Variants in ANKRD55 observed in about 807,000 individuals in gnomAD.
ANKRD55 encodes the protein ankyrin repeat domain-containing protein 55.
Under a neutral mutation model 60.6 loss-of-function variants are expected in ANKRD55, and 41 were observed. The observed-to-expected ratio is 0.68, with a 90% CI of 0.53 to 0.88. The LOEUF (loss-of-function observed/expected upper bound fraction) is 0.88, where lower values mean the gene tolerates loss of function less well. ANKRD55 is among the 40% of genes least tolerant of loss of function. The probability of loss-of-function intolerance (pLI) is 0.00; values close to 1 mark genes in which losing one functional copy is unlikely to be tolerated. For synonymous variants in ANKRD55, 264 were observed against 290.3 expected, an observed-to-expected ratio of 0.91 and a Z score of 0.92; for missense variants, 732 against 767.6, an observed-to-expected ratio of 0.95 and a Z score of 0.55.
At chr5:56,178,963 C>A (rs959110692) in intron 3 of ANKRD55, among the ~76,000 whole-genome samples, 1 of 151,972 alleles carries the variant, frequency 6.6e-6, no homozygotes, top group Admixed American at 6.6e-5. Context: ...GTTGGGACAA[C>A]CATTTTTGGG....
intron 2 of ANKRD55, among the ~76,000 whole-genome samples, chr5:56,222,487 T>C (rs1487261882): frequency 2.0e-5 from 3 of 152,194 alleles, no homozygotes; most frequent in African/African-American, 7.2e-5. Flanking sequence ...GAAACAAAGC[T>C]GGACGGAGAA....
At chr5:56,113,297 T>C (rs1756789924) in intron 9 of ANKRD55, among the ~76,000 whole-genome samples, 2 of 152,148 alleles carry the variant, frequency 1.3e-5, no homozygotes, top group African/African-American at 2.4e-5. Flanking sequence ...AGGTGGTGGG[T>C]AAAATGGTGG....
chr5:56,145,310 C>T (rs1253613656), intron 6 of ANKRD55, among the ~76,000 whole-genome samples: 1 of 152,198 alleles, frequency 6.6e-6, no homozygotes, highest in Non-Finnish European at 1.5e-5. Context: ...TGAGTCCTTG[C>T]CATTGGAATG....
intron 2 of ANKRD55, among the ~76,000 whole-genome samples, chr5:56,204,146 C>T (rs918540900): frequency 6.6e-6 from 1 of 152,084 alleles, no homozygotes; most frequent in Non-Finnish European, 1.5e-5. Flanking sequence ...AGTGTCTGTT[C>T]ATATCTTTTG....
chr5:56,232,644 T>C (rs1193500359), intron 2 of ANKRD55, among the ~76,000 whole-genome samples: 1 of 152,154 alleles, frequency 6.6e-6, no homozygotes, highest in Non-Finnish European at 1.5e-5. Context: ...TTTCAGATGC[T>C]TATCAAACTA....
chr5:56,188,538 G>A lies in ANKRD55; in HGVS notation c.59-4904C>T, dbSNP rs1007934667. Reference sequence around the variant, plus strand: ...GTCTAGTTTTATTCTTCTGCATATAGATATCCAGTCTTCCAGCACCTTTTA... The same window carrying A: ...GTCTAGTTTTATTCTTCTGCATATAAATATCCAGTCTTCCAGCACCTTTTA... On this transcript the variant is annotated intron_variant, in intron 2 of 11. Transcript: ENST00000341048. Among the ~76,000 whole-genome samples, 28 of 152,202 alleles carry A rather than the reference G, an allele frequency of 1.8e-4. 1 individual carries two copies. Among genetic ancestry groups the A allele is most frequent in the South Asian group, 2.1e-4 (1 of 4,806 alleles).
At chr5:56,220,643 G>C (rs1480488483) in intron 2 of ANKRD55, among the ~76,000 whole-genome samples, 3 of 152,128 alleles carry the variant, frequency 2.0e-5, no homozygotes, top group Non-Finnish European at 4.4e-5. Flanking sequence ...GTGAAACCCT[G>C]TCTCTACAAA....
At chr5:56,136,875 T>C in intron 7 of ANKRD55, 1 of 372,674 alleles carries the variant, frequency 2.7e-6, no homozygotes, top group Admixed American at 3.7e-5. Context: ...GAGCCATGAT[T>C]ATGTCACTGC....
At chr5:56,126,715 A>G (rs1332831870) in intron 8 of ANKRD55, among the ~76,000 whole-genome samples, 2 of 152,192 alleles carry the variant, frequency 1.3e-5, no homozygotes, top group Non-Finnish European at 2.9e-5. Context: ...ATCTGACAAC[A>G]CTGTACAGTC....
Position 56,225,755 on chromosome 5 carries a change from T to C in ANKRD55, c.58+7101A>G, listed in dbSNP as rs545619161. ...CACAATTGCTTCAAAGAGAATAAAA[T>C]ACATAGGAAACCAACTTACAAGGGA... is the stretch of plus-strand genomic sequence containing the variant. On this transcript the variant is annotated intron_variant, in intron 2 of 11. Coordinates refer to ENST00000341048, the MANE Select transcript of ANKRD55 (RefSeq NM_024669.3). Among the ~76,000 whole-genome samples, 4 of 152,134 alleles carry C rather than the reference T, an allele frequency of 2.6e-5. No individual in the cohort carries two copies. In the South Asian group the frequency reaches 8.3e-4, roughly 32 times the overall value.
At chr5:56,143,762 C>A in intron 7 of ANKRD55, 39 bp downstream of exon 7, 1 of 1,611,564 alleles carries the variant, frequency 6.2e-7, no homozygotes, top group Non-Finnish European at 8.5e-7. Flanking sequence ...TGCTTTCCAC[C>A]ATTTAAACCT....
In ANKRD55 at chr5:56,168,829, C is replaced by T. The variant is rs564185593; in HGVS notation, c.422+1865G>A. 5.9e-5 allele frequency among the ~76,000 whole-genome samples: 9 copies of T among 152,336 alleles called. No homozygotes were observed. The South Asian group carries it at 1.9e-3, about 32-fold the overall frequency. Reference sequence around the variant, plus strand: ...ATGTGGCAGGGAGCCACCTACCACCCCCCTACATTGGATGGTTACATGTCT... The same window carrying T: ...ATGTGGCAGGGAGCCACCTACCACCTCCCTACATTGGATGGTTACATGTCT... On this transcript the variant is annotated intron_variant, in intron 5 of 11. Transcript: ENST00000341048.
Position 56,217,749 on chromosome 5 carries a change from A to T in ANKRD55, c.58+15107T>A, listed in dbSNP as rs551703919. ...CTCTACTAAAAATACAAAAAAAATTAGCCGGGCGTGGTGGGGGGCACCTGT... is the reference window on the plus strand; with the variant it reads ...CTCTACTAAAAATACAAAAAAAATTTGCCGGGCGTGGTGGGGGGCACCTGT... On this transcript the variant is annotated intron_variant, in intron 2 of 11. Transcript: ENST00000341048. Among the ~76,000 whole-genome samples the T allele has an allele frequency of 2.6e-5, 4 of 152,230 alleles. No individual in the cohort carries two copies. In the South Asian group the frequency reaches 8.3e-4, roughly 32 times the overall value.
At chr5:56,206,200 C>T (rs1759504736) in intron 2 of ANKRD55, among the ~76,000 whole-genome samples, 2 of 152,120 alleles carry the variant, frequency 1.3e-5, no homozygotes, top group South Asian at 4.2e-4. Flanking sequence ...TGGTCTCAAA[C>T]TCCTGGGCTC....
chr5:56,212,897 G>T (rs1759711609), intron 2 of ANKRD55, among the ~76,000 whole-genome samples: 1 of 152,120 alleles, frequency 6.6e-6, no homozygotes, highest in Non-Finnish European at 1.5e-5. Flanking sequence ...AAACGAGATA[G>T]TTCTATATTA....
intron 6 of ANKRD55, among the ~76,000 whole-genome samples, chr5:56,150,088 C>T (rs932753111): frequency 3.9e-5 from 6 of 152,136 alleles, no homozygotes; most frequent in Non-Finnish European, 8.8e-5. Context: ...GATCCGCCTG[C>T]CTTGGCCTCC....
At chr5:56,121,140 G>A (rs981603717) in intron 8 of ANKRD55, among the ~76,000 whole-genome samples, 1 of 151,966 alleles carries the variant, frequency 6.6e-6, no homozygotes, top group Non-Finnish European at 1.5e-5. Context: ...AAGACGAGGG[G>A]CCATCCTCCA....
intron 2 of ANKRD55, among the ~76,000 whole-genome samples, chr5:56,205,252 G>A (rs1759473216): frequency 6.6e-6 from 1 of 152,034 alleles, no homozygotes; most frequent in African/African-American, 2.4e-5. Context: ...GTAGAGATGG[G>A]GTTTCACCAT....
intron 8 of ANKRD55, among the ~76,000 whole-genome samples, chr5:56,126,623 G>C (rs1264990753): frequency 6.6e-6 from 1 of 151,658 alleles, no homozygotes; most frequent in Non-Finnish European, 1.5e-5. Context: ...CCTACCTTTA[G>C]GAACAAAGAG....
Sources: allele counts gnomAD v4.1 joint callset (sites outside exome capture counted in the v4.1 genomes callset), GRCh38; gene constraint gnomAD v4.1.1; transcripts MANE v1.5; gene names NCBI Gene and HGNC (gene_info 2026-07-23, HGNC 2026-07-21).